The following MCU variants were observed in gnomAD, a reference collection of about 807,000 sequenced individuals.
MCU encodes the protein calcium uniporter protein, mitochondrial.
A neutral mutation model predicts 45.2 loss-of-function variants in MCU; 12 were observed. That is an observed-to-expected ratio of 0.27 (90% CI 0.17 to 0.43). The LOEUF (loss-of-function observed/expected upper bound fraction) is 0.43, where lower values mean the gene tolerates loss of function less well. Ranked by LOEUF, MCU falls within the 20% of genes least tolerant of loss-of-function variation. The pLI, the probability that MCU is intolerant of heterozygous loss-of-function variation, is 1.00. For synonymous variants in MCU, 160 were observed against 165.1 expected (o/e 0.97, Z 0.24); for missense variants, 324 against 436.7 (o/e 0.74, Z 2.30).
chr10:72,859,422 C>T, intron 3 of MCU, 75 bp downstream of exon 3: 1 of 1,352,068 alleles, frequency 7.4e-7, no homozygotes, highest in Non-Finnish European at 1.0e-6. Flanking sequence ...CATACATACA[C>T]CACACACGTA....
Position 72,838,257 on chromosome 10 carries a change from C to G in MCU, c.220+3829C>G, listed in dbSNP as rs552519434. ...ACTAGAGAAAGAACAAGAAAAATAGCCTTATCTAGCTGCTTTTATTTTTTT... is the reference window on the plus strand; with the variant it reads ...ACTAGAGAAAGAACAAGAAAAATAGGCTTATCTAGCTGCTTTTATTTTTTT... On this transcript the variant is annotated intron_variant, in intron 2 of 7. Coordinates refer to ENST00000373053, the MANE Select transcript of MCU (RefSeq NM_138357.3). Among the ~76,000 whole-genome samples, 11 of 152,164 alleles carry G rather than the reference C, an allele frequency of 7.2e-5. 1 individual carries two copies. The South Asian group carries it at 2.3e-3, about 32-fold the overall frequency.
At chr10:72,847,961 A>C (rs1225823815) in intron 2 of MCU, among the ~76,000 whole-genome samples, 2 of 152,330 alleles carry the variant, frequency 1.3e-5, no homozygotes, top group East Asian at 3.9e-4. Flanking sequence ...CCCTAGAGCA[A>C]GTGTACAAGA....
chr10:72,692,701 G>C (rs1250463122), intron 1 of MCU: 2 of 1,244,254 alleles, frequency 1.6e-6, no homozygotes, highest in Non-Finnish European at 1.0e-6. Context: ...CTCCGGGCGG[G>C]TTGGGGAGTT....
intron 1 of MCU, 82 bp downstream of exon 1, chr10:72,692,383 C>T (rs1281786321): frequency 5.5e-6 from 6 of 1,084,072 alleles, no homozygotes; most frequent in South Asian, 4.5e-5. Context: ...GCCGCCGGGG[C>T]AGCAGGCGAG....
At chr10:72,869,322 C>T (rs778685271) in intron 5 of MCU, among the ~76,000 whole-genome samples, 3 of 152,244 alleles carry the variant, frequency 2.0e-5, no homozygotes, top group Non-Finnish European at 2.9e-5. Context: ...TGGTGGCTCA[C>T]GCCTGTAATC....
chr10:72,845,765 G>A (rs961926387), intron 2 of MCU, among the ~76,000 whole-genome samples: 1 of 152,126 alleles, frequency 6.6e-6, no homozygotes. Context: ...TGTATTCATA[G>A]AATGAAATTC....
At chr10:72,696,161 C>CAA (rs58694098) in intron 1 of MCU, among the ~76,000 whole-genome samples, 364 of 30,036 alleles carry the variant, frequency 0.012, 5 homozygotes, top group African/African-American at 0.036. Flanking sequence ...AACTCCGACT[C>CAA]AAAAAAAAAA....
intron 1 of MCU, among the ~76,000 whole-genome samples, chr10:72,788,889 A>G (rs112709235): frequency 6.4e-4 from 98 of 152,322 alleles, no homozygotes; most frequent in African/African-American, 2.3e-3. Flanking sequence ...GTTTGTTGGA[A>G]TAAACCTCAC....
chr10:72,858,602 C>A (rs1354775377), intron 2 of MCU, among the ~76,000 whole-genome samples: 3 of 152,112 alleles, frequency 2.0e-5, no homozygotes, highest in African/African-American at 7.2e-5. Flanking sequence ...GAGAACTTAG[C>A]TTTAAAGGTT....
chr10:72,710,391 G>T (rs1253236543), intron 1 of MCU, among the ~76,000 whole-genome samples: 2 of 152,034 alleles, frequency 1.3e-5, no homozygotes, highest in Non-Finnish European at 2.9e-5. Context: ...GAAAAGTAGA[G>T]ACAATCTGAG....
intron 1 of MCU, among the ~76,000 whole-genome samples, chr10:72,763,062 A>C (rs1270362927): frequency 1.3e-5 from 2 of 151,964 alleles, no homozygotes; most frequent in Non-Finnish European, 2.9e-5. Context: ...TGTTCCTTTC[A>C]GGCTGCCATC....
In MCU at chr10:72,868,868, A is replaced by G. The variant is rs1310263248; in HGVS notation, c.657+5A>G. The G allele has an allele frequency of 1.9e-6, 3 of 1,612,060 alleles. No individual in the cohort carries two copies. The highest frequency in any genetic ancestry group is 1.7e-5 in the Admixed American group (1 of 59,200). Reference sequence around the variant, plus strand: ...CAGCTGGCTCCCCTGGAAAAGGTAAAACTTCCAATCTCAGGTTTTTTACCT... The same window carrying G: ...CAGCTGGCTCCCCTGGAAAAGGTAAGACTTCCAATCTCAGGTTTTTTACCT... On this transcript the variant is annotated splice_donor_5th_base_variant and intron_variant, in intron 5 of 7. Transcript: ENST00000373053.
At chr10:72,763,603 TG>T (rs1843685452) in intron 1 of MCU, among the ~76,000 whole-genome samples, 1 of 152,154 alleles carries the variant, frequency 6.6e-6, no homozygotes, top group Admixed American at 6.6e-5. Flanking sequence ...TTGATTATGG[TG>T]GGACTTTGCA....
At chr10:72,733,799 GTAGA>G (rs1418297705) in intron 1 of MCU, among the ~76,000 whole-genome samples, 2 of 151,130 alleles carry the variant, frequency 1.3e-5, no homozygotes, top group Non-Finnish European at 2.9e-5. Flanking sequence ...TTCACAGAAG[GTAGA>G]TAAAGTAAAC....
At chr10:72,829,934 T>C (rs1844855446) in intron 1 of MCU, among the ~76,000 whole-genome samples, 1 of 152,274 alleles carries the variant, frequency 6.6e-6, no homozygotes, top group Non-Finnish European at 1.5e-5. Context: ...TTGTAAATAC[T>C]TAATATGTAG....
chr10:72,750,573 A>G (rs1843479841), intron 1 of MCU, among the ~76,000 whole-genome samples: 1 of 152,180 alleles, frequency 6.6e-6, no homozygotes, highest in African/African-American at 2.4e-5. Flanking sequence ...TTACATTTTC[A>G]AGAAGTAGGT....
intron 1 of MCU, among the ~76,000 whole-genome samples, chr10:72,798,386 G>T (rs1386912697): frequency 1.3e-5 from 2 of 152,054 alleles, no homozygotes; most frequent in African/African-American, 2.4e-5. Flanking sequence ...CTGCTTCCTG[G>T]GTTCAAGCAA....
chr10:72,781,066 AT>A (rs1456711330), intron 1 of MCU, among the ~76,000 whole-genome samples: 1 of 152,138 alleles, frequency 6.6e-6, no homozygotes, highest in Non-Finnish European at 1.5e-5. Flanking sequence ...AATAAAAAAA[AT>A]TTTTTTTAAA....
chr10:72,879,871 C>A (rs1845674265), intron 6 of MCU, among the ~76,000 whole-genome samples: 1 of 151,994 alleles, frequency 6.6e-6, no homozygotes, highest in African/African-American at 2.4e-5. Flanking sequence ...CATGGCAAAA[C>A]CCTGTCTTTA....
Sources: gnomAD v4.1 joint callset for allele counts (sites outside exome capture counted in the v4.1 genomes callset) on GRCh38, gnomAD v4.1.1 for gene constraint, MANE v1.5 for transcripts, NCBI Gene and HGNC (gene_info 2026-07-23, HGNC 2026-07-21) for gene names.